The following CD274 variants were observed in gnomAD, a reference collection of about 807,000 sequenced individuals.
The protein encoded by CD274 is CD274 molecule.
A neutral mutation model predicts 30.1 loss-of-function variants in CD274; 8 were observed. That is an observed-to-expected ratio of 0.27 (90% CI 0.16 to 0.48). The LOEUF is 0.48. Ranked by LOEUF, CD274 falls within the 20% of genes least tolerant of loss-of-function variation. The pLI is 0.99. For synonymous variants in CD274, 152 were observed against 124.6 expected (o/e 1.22, Z -1.46); for missense variants, 353 against 346.6 (o/e 1.02, Z -0.15).
At chr9:5,464,818 G>A (rs534181476) in intron 4 of CD274, among the ~76,000 whole-genome samples, 2 of 152,296 alleles carry the variant, frequency 1.3e-5, no homozygotes, top group Non-Finnish European at 2.9e-5. Context: ...CAGGAGCGGA[G>A]GCTCATGCCT....
rs2131239149 is a variant in CD274 at position 5,470,021 on chromosome 9, C to T, written c.*2159C>T. The T allele has an allele frequency of 4.3e-6, 1 of 233,146 alleles. No individual in the cohort carries two copies. The highest frequency in any genetic ancestry group is 1.8e-4 in the South Asian group (1 of 5,524). The allele number at this position is 233,146 out of a possible 1,614,324, so 14.4% of individuals were successfully genotyped here. ...TCGTTGTGCTTGAACCCTTGAATGC[C>T]ACCAGCTGTCATCACTACACAGCCC... On this transcript the variant is annotated 3_prime_UTR_variant, in exon 7 of 7. Coordinates refer to ENST00000381577, the MANE Select transcript of CD274 (RefSeq NM_014143.4).
chr9:5,454,934 A>T (rs1819274055), intron 1 of CD274, among the ~76,000 whole-genome samples: 1 of 152,118 alleles, frequency 6.6e-6, no homozygotes, highest in Admixed American at 6.5e-5. Flanking sequence ...TGTATTTCTT[A>T]TTCTCTGAAC....
chr9:5,468,786 G>A lies in CD274; in HGVS notation c.*924G>A, dbSNP rs541213585. On this transcript the variant is annotated 3_prime_UTR_variant, in exon 7 of 7. Coordinates refer to ENST00000381577, the MANE Select transcript of CD274 (RefSeq NM_014143.4). Reference sequence around the variant, plus strand: ...AACTTGCCCAAACCAGTAAATAGCAGACCTCAGACTGCCACCCACTGTCCT... The same window carrying A: ...AACTTGCCCAAACCAGTAAATAGCAAACCTCAGACTGCCACCCACTGTCCT... 1.3e-5 allele frequency: 3 copies of A among 233,070 alleles called. No homozygotes were observed. Among genetic ancestry groups the A allele is most frequent in the African/African-American group, 2.2e-5 (1 of 45,452 alleles). The allele number at this position is 233,070 out of a possible 1,614,324, so 14.4% of individuals were successfully genotyped here.
intron 3 of CD274, among the ~76,000 whole-genome samples, 190 bp from the exon 4 acceptor site, chr9:5,462,644 C>G (rs749424688): frequency 6.6e-6 from 1 of 152,190 alleles, no homozygotes; most frequent in African/African-American, 2.4e-5. Context: ...TTAATCCAAA[C>G]TTGTCCCAAC....
At chr9:5,454,333 T>A (rs1277076609) in intron 1 of CD274, among the ~76,000 whole-genome samples, 3 of 152,186 alleles carry the variant, frequency 2.0e-5, no homozygotes, top group African/African-American at 7.2e-5. Context: ...GAAACCTACC[T>A]GTTCTCCCTC....
rs1262818988 is a variant in CD274, at chr9:5,468,841, C to T, written c.*979C>T. The T allele has an allele frequency of 4.3e-6, 1 of 232,992 alleles. No homozygotes were observed. The highest frequency in any genetic ancestry group is 2.2e-5 in the African/African-American group (1 of 45,358). The allele number at this position is 232,992 out of a possible 1,614,324, so 14.4% of individuals were successfully genotyped here. ...TAATACAATTTACAGCTATATTTTA[C>T]TTTAAGCAATTCTTTTATTCAAAAA... is the stretch of plus-strand genomic sequence containing the variant. On this transcript the variant is annotated 3_prime_UTR_variant, in exon 7 of 7. Transcript: ENST00000381577.
intron 1 of CD274, among the ~76,000 whole-genome samples, chr9:5,452,126 C>G (rs1276414757): frequency 6.7e-6 from 1 of 149,752 alleles, no homozygotes; most frequent in African/African-American, 2.5e-5. Flanking sequence ...AAGTGATTCT[C>G]CTGCCTCAGC....
intron 3 of CD274, among the ~76,000 whole-genome samples, chr9:5,462,564 T>C (rs1819423030): frequency 6.6e-6 from 1 of 152,210 alleles, no homozygotes; most frequent in Admixed American, 6.5e-5. Context: ...TAGTGTAAAT[T>C]AATCTTTACA....
intron 1 of CD274, among the ~76,000 whole-genome samples, chr9:5,455,469 C>T (rs977031049): frequency 7.9e-5 from 12 of 152,108 alleles, no homozygotes; most frequent in African/African-American, 2.9e-4. Flanking sequence ...ATGAATTAGT[C>T]AAATCCAACT....
Position 5,465,586 on chromosome 9 carries a change from T to G in CD274, c.770T>G (p.Phe257Cys). The change falls in exon 5 of 7, where the codon TTC becomes TGC. Residue 257 changes from phenylalanine (F) to cysteine (C), a missense_variant. Transcript: ENST00000381577. The part of the protein sequence containing the change: ...ILLCLGVALT[F>C]IFRLRKGRMM... ...TTATGCCTTGGTGTAGCACTGACAT[T>G]CATCTTCCGTTTAAGAAAAGGTAGT... 6.3e-7 allele frequency: 1 copy of G among 1,597,266 alleles called. No individual in the cohort carries two copies. The highest frequency in any genetic ancestry group is 8.6e-7 in the Non-Finnish European group (1 of 1,164,752).
intron 4 of CD274, chr9:5,463,376 T>A: frequency 2.1e-6 from 1 of 473,578 alleles, no homozygotes; most frequent in African/African-American, 1.9e-5. Context: ...ACACATAGAA[T>A]AATAAGACTC....
At chr9:5,453,780 C>T (rs920181989) in intron 1 of CD274, among the ~76,000 whole-genome samples, 5 of 152,224 alleles carry the variant, frequency 3.3e-5, no homozygotes, top group Middle Eastern at 3.2e-3. Flanking sequence ...GGTTTCTCAG[C>T]ACTGGCACTG....
intron 1 of CD274, among the ~76,000 whole-genome samples, chr9:5,451,794 T>G (rs958683612): frequency 6.6e-6 from 1 of 152,148 alleles, no homozygotes; most frequent in African/African-American, 2.4e-5. Flanking sequence ...TTTGGTCACT[T>G]AGTAGAGGTT....
chr9:5,462,979 C>T lies in CD274; in HGVS notation c.540C>T (p.Thr180=), dbSNP rs200229222. ...SDHQVLSGKT[T]TTNSKREEKL... ...ATCAAGTCCTGAGTGGTAAGACCAC[C>T]ACCACCAATTCCAAGAGAGAGGAGA... The change falls in exon 4 of 7, where the codon ACC becomes ACT. Residue 180 remains threonine, a synonymous_variant. Transcript: ENST00000381577. The T allele has an allele frequency of 5.0e-4, 801 of 1,614,076 alleles. 4 individuals are homozygous for T. In the South Asian group the frequency reaches 6.4e-3, roughly 13 times the overall value.
At position 5,468,973 on chromosome 9, in the gene CD274, G is replaced by A. The variant is rs1256803732; in HGVS notation, c.*1111G>A. 2.1e-5 allele frequency: 5 copies of A among 233,116 alleles called. No individual in the cohort carries two copies. The highest frequency in any genetic ancestry group is 4.2e-5 in the Non-Finnish European group (5 of 117,938). The allele number at this position is 233,116 out of a possible 1,614,324, so 14.4% of individuals were successfully genotyped here. A position where few individuals can be genotyped will look rare whatever the true frequency, so the allele number is the denominator to read the frequency against. On this transcript the variant is annotated 3_prime_UTR_variant, in exon 7 of 7. Coordinates refer to ENST00000381577, the MANE Select transcript of CD274 (RefSeq NM_014143.4). ...CTCAAGGAGCTCATAGTATAATGAG[G>A]AGATTAACAAGAAAATGTATTATTA...
chr9:5,462,055 C>T (rs981979769), intron 3 of CD274, among the ~76,000 whole-genome samples: 4 of 152,058 alleles, frequency 2.6e-5, no homozygotes, highest in African/African-American at 9.7e-5. Context: ...TAGAGGAAAC[C>T]GGGTAAGGAG....
intron 5 of CD274, 156 bp downstream of exon 5, chr9:5,465,762 G>T: frequency 1.8e-6 from 1 of 548,886 alleles, no homozygotes; most frequent in South Asian, 2.4e-5. Flanking sequence ...TGGGATCACT[G>T]GGTGAAGATG....
Position 5,469,847 on chromosome 9 carries a change from T to A in CD274, c.*1985T>A, listed in dbSNP as rs1819561193. On this transcript the variant is annotated 3_prime_UTR_variant, in exon 7 of 7. Transcript: ENST00000381577. ...AAGCAATCTTATTATTAACTCTGTA[T>A]GACAGAATCATGTCTGGAACTTTTG... is the stretch of plus-strand genomic sequence containing the variant. 4.3e-6 allele frequency: 1 copy of A among 232,994 alleles called. No homozygotes were observed. The highest frequency in any genetic ancestry group is 1.8e-4 in the South Asian group (1 of 5,536). The allele number at this position is 232,994 out of a possible 1,614,324, so 14.4% of individuals were successfully genotyped here.
intron 1 of CD274, among the ~76,000 whole-genome samples, chr9:5,455,302 T>A (rs1819280369): frequency 6.6e-6 from 1 of 152,216 alleles, no homozygotes; most frequent in Non-Finnish European, 1.5e-5. Context: ...GACTTCCGTA[T>A]TCCTCATGCT....
Sources: gnomAD v4.1 joint callset for allele counts (sites outside exome capture counted in the v4.1 genomes callset) on GRCh38, gnomAD v4.1.1 for gene constraint, MANE v1.5 for transcripts, NCBI Gene and HGNC (gene_info 2026-07-23, HGNC 2026-07-21) for gene names.